NBEA: variants seen among roughly 807,000 people sequenced by gnomAD.
The protein encoded by NBEA is lysosomal-trafficking regulator 2.
A neutral mutation model predicts 343.4 loss-of-function variants in NBEA; 44 were observed. The observed-to-expected ratio is 0.13, with a 90% CI of 0.10 to 0.16. The LOEUF is 0.16. Among genes scored for constraint, NBEA ranks in the 10% least tolerant of loss-of-function variants. NBEA has a pLI of 1.00. For missense variants in NBEA, 2,555 were observed against 3,631.3 expected (o/e 0.70, Z 7.62); for synonymous variants, 1,175 against 1,238.7 (o/e 0.95, Z 1.08).
chr13:35,416,513 G>T (rs2043918673), intron 38 of NBEA, among the ~76,000 whole-genome samples: 1 of 152,050 alleles, frequency 6.6e-6, no homozygotes, highest in South Asian at 2.1e-4. Flanking sequence ...TTTGTCTTTG[G>T]TTCTGTTTAT....
chr13:35,184,032 T>G lies in NBEA; in HGVS notation c.4888T>G (p.Leu1630Val). Reference protein sequence around the residue: ...PSLNHGFLAKLIPEQSFGHSF... With the variant: ...PSLNHGFLAKVIPEQSFGHSF... ...TTTGAACCATGGATTCCTTGCCAAG[T>G]TAATTCCTGAGCAGAGCTTTGGCCA... Residue 1630 changes from leucine (L) to valine (V), a missense_variant, in exon 30 of 59, where the codon TTA becomes GTA. Coordinates refer to ENST00000379939, the MANE Select transcript of NBEA (RefSeq NM_001385012.1). 6.2e-7 allele frequency: 1 copy of G among 1,611,964 alleles called. No homozygotes were observed.
At chr13:35,486,426 A>G (rs1380957429) in intron 41 of NBEA, among the ~76,000 whole-genome samples, 1 of 152,156 alleles carries the variant, frequency 6.6e-6, no homozygotes, top group Non-Finnish European at 1.5e-5. Context: ...CCATTAATTC[A>G]TTTGATACTT....
intron 30 of NBEA, among the ~76,000 whole-genome samples, chr13:35,189,039 T>C (rs1248926145): frequency 6.6e-6 from 1 of 151,148 alleles, no homozygotes. Context: ...ACCGCTCAGC[T>C]TCCTGAGTAG....
chr13:35,062,245 C>G (rs1180007383), intron 8 of NBEA, among the ~76,000 whole-genome samples: 3 of 151,432 alleles, frequency 2.0e-5, no homozygotes, highest in Admixed American at 6.6e-5. Context: ...TAAAAATAAG[C>G]TGTATGGGCT....
chr13:35,042,453 AC>A (rs1200647188), intron 2 of NBEA, among the ~76,000 whole-genome samples: 1 of 151,768 alleles, frequency 6.6e-6, no homozygotes, highest in Non-Finnish European at 1.5e-5. Context: ...TTTAATTCTT[AC>A]ATCTGAGCTT....
intron 40 of NBEA, among the ~76,000 whole-genome samples, chr13:35,460,986 G>C (rs2046873605): frequency 6.6e-6 from 1 of 152,130 alleles, no homozygotes; most frequent in South Asian, 2.1e-4. Context: ...GCTATCTCAG[G>C]TCTCTCTTTT....
chr13:35,552,730 G>A (rs1414869549), intron 43 of NBEA, among the ~76,000 whole-genome samples: 1 of 152,062 alleles, frequency 6.6e-6, no homozygotes, highest in Non-Finnish European at 1.5e-5. Flanking sequence ...TACTAATAGA[G>A]GTTTCTATAT....
intron 38 of NBEA, among the ~76,000 whole-genome samples, chr13:35,354,796 T>C (rs1006715531): frequency 6.6e-6 from 1 of 152,144 alleles, no homozygotes; most frequent in Non-Finnish European, 1.5e-5. Context: ...GATTTAAAAA[T>C]ACTACTAATA....
chr13:35,492,465 G>A (rs2076536931), intron 41 of NBEA, among the ~76,000 whole-genome samples: 2 of 151,950 alleles, frequency 1.3e-5, no homozygotes, highest in African/African-American at 4.8e-5. Flanking sequence ...AGCCATAGAG[G>A]AGAGGTTAAA....
chr13:35,632,108 G>A (rs2083479568), intron 49 of NBEA, among the ~76,000 whole-genome samples: 1 of 151,948 alleles, frequency 6.6e-6, no homozygotes, highest in Non-Finnish European at 1.5e-5. Flanking sequence ...TTTCATAGAT[G>A]AGCTGTACTA....
chr13:35,648,793 C>T (rs9530826), intron 51 of NBEA, among the ~76,000 whole-genome samples: 9,060 of 149,324 alleles, frequency 0.061, 312 homozygotes, highest in South Asian at 0.088. Context: ...ACAAAACAGA[C>T]GCTAAAAACA....
intron 34 of NBEA, among the ~76,000 whole-genome samples, chr13:35,284,949 G>A (rs2035321905): frequency 6.6e-6 from 1 of 152,116 alleles, no homozygotes; most frequent in Non-Finnish European, 1.5e-5. Context: ...CTGTGTCTTA[G>A]AATCCTTCAC....
intron 36 of NBEA, among the ~76,000 whole-genome samples, chr13:35,331,039 A>C (rs965769691): frequency 3.3e-5 from 5 of 152,084 alleles, no homozygotes; most frequent in African/African-American, 1.2e-4. Flanking sequence ...TGAAGAATTG[A>C]TATGAATTCC....
At chr13:35,595,529 T>C (rs1218573375) in intron 47 of NBEA, among the ~76,000 whole-genome samples, 1 of 152,048 alleles carries the variant, frequency 6.6e-6, no homozygotes, top group Non-Finnish European at 1.5e-5. Flanking sequence ...ATGCTACATA[T>C]ATACAATAAT....
At chr13:35,036,666 G>A (rs565767737) in intron 1 of NBEA, among the ~76,000 whole-genome samples, 1 of 152,050 alleles carries the variant, frequency 6.6e-6, no homozygotes, top group East Asian at 1.9e-4. Context: ...ATTTTCACTG[G>A]ATATACTATT....
At chr13:35,090,302 G>A (rs2065016828) in intron 10 of NBEA, among the ~76,000 whole-genome samples, 1 of 151,748 alleles carries the variant, frequency 6.6e-6, no homozygotes, top group Admixed American at 6.6e-5. Context: ...TTATGCATAG[G>A]TTTTTCATTG....
chr13:35,425,780 C>CT (rs914986002), intron 38 of NBEA, among the ~76,000 whole-genome samples: 27 of 152,150 alleles, frequency 1.8e-4, no homozygotes, highest in African/African-American at 6.5e-4. Context: ...GTGTGGGAGT[C>CT]TGAGTCTCTT....
intron 30 of NBEA, among the ~76,000 whole-genome samples, chr13:35,195,397 T>G (rs369455555): frequency 1.0e-4 from 14 of 138,576 alleles, no homozygotes; most frequent in South Asian, 4.7e-4. Context: ...TATCTTTTTG[T>G]TTTTTTTTTT....
chr13:35,292,143 CA>C (rs1055850246), intron 35 of NBEA, among the ~76,000 whole-genome samples: 7 of 151,718 alleles, frequency 4.6e-5, no homozygotes, highest in Admixed American at 2.6e-4. Context: ...TATTCTTATT[CA>C]GGGGGGATAA....
Sources: allele counts gnomAD v4.1 joint callset (sites outside exome capture counted in the v4.1 genomes callset), GRCh38; gene constraint gnomAD v4.1.1; transcripts MANE v1.5; gene names NCBI Gene and HGNC (gene_info 2026-07-23, HGNC 2026-07-21).